Variants in UGGT2 observed in about 807,000 individuals in gnomAD.
UGGT2 encodes UDP-glucose glycoprotein glucosyltransferase 2.
Under a neutral mutation model 192.1 loss-of-function variants are expected in UGGT2, and 180 were observed. The ratio of observed to expected loss-of-function variants is 0.94; its 90% CI spans 0.83 to 1.06. The LOEUF (loss-of-function observed/expected upper bound fraction) is 1.06. Among genes scored for constraint, UGGT2 ranks in the 50% least tolerant of loss-of-function variants. UGGT2 has a pLI of 0.00. For missense variants in UGGT2, 1,849 were observed against 1,795.7 expected (o/e 1.03, Z -0.54); for synonymous variants, 580 against 591.0 (o/e 0.98, Z 0.27).
chr13:95,868,162 A>G (rs1164902246), intron 29 of UGGT2, among the ~76,000 whole-genome samples: 1 of 152,180 alleles, frequency 6.6e-6, no homozygotes, highest in Admixed American at 6.5e-5. Flanking sequence ...CATACTTTTA[A>G]CATTTTTCCA....
At chr13:96,027,573 G>A (rs1213322599) in intron 2 of UGGT2, among the ~76,000 whole-genome samples, 2 of 152,072 alleles carry the variant, frequency 1.3e-5, no homozygotes, top group Non-Finnish European at 2.9e-5. Context: ...AAAAATAAGT[G>A]GCAGCCTCCA....
intron 15 of UGGT2, among the ~76,000 whole-genome samples, chr13:95,942,123 T>C (rs1280589084): frequency 6.2e-5 from 8 of 128,994 alleles, no homozygotes; most frequent in Non-Finnish European, 1.4e-4. Flanking sequence ...CTGATATGTA[T>C]ATTTGTGTCA....
chr13:95,838,548 A>G (rs1371956275), intron 36 of UGGT2, among the ~76,000 whole-genome samples: 4 of 152,180 alleles, frequency 2.6e-5, no homozygotes, highest in Non-Finnish European at 4.4e-5. Flanking sequence ...AAGTCTTACT[A>G]TAAAGTTACA....
At chr13:96,026,239 T>G (rs1446335505) in intron 2 of UGGT2, among the ~76,000 whole-genome samples, 6 of 152,124 alleles carry the variant, frequency 3.9e-5, no homozygotes, top group Non-Finnish European at 7.4e-5. Flanking sequence ...AATTCACACA[T>G]GAACAATTAA....
intron 38 of UGGT2, among the ~76,000 whole-genome samples, chr13:95,817,567 T>A (rs1885035533): frequency 6.6e-6 from 1 of 151,878 alleles, no homozygotes; most frequent in Non-Finnish European, 1.5e-5. Flanking sequence ...GGCAACAGAG[T>A]GGCAGCCTGT....
intron 20 of UGGT2, among the ~76,000 whole-genome samples, chr13:95,919,852 G>T (rs1159490778): frequency 1.3e-5 from 2 of 152,016 alleles, no homozygotes; most frequent in African/African-American, 4.8e-5. Flanking sequence ...TAGAAAAAGT[G>T]ATTTTAAAAT....
At chr13:96,034,929 G>A (rs532074608) in intron 1 of UGGT2, among the ~76,000 whole-genome samples, 9 of 152,350 alleles carry the variant, frequency 5.9e-5, no homozygotes, top group Middle Eastern at 3.4e-3. Context: ...CTGCCAGGCC[G>A]AGTGGACAAA....
chr13:95,836,041 C>CT (rs560776600), intron 37 of UGGT2, among the ~76,000 whole-genome samples: 10 of 151,350 alleles, frequency 6.6e-5, no homozygotes, highest in Admixed American at 1.3e-4. Context: ...GCTCTCAGCC[C>CT]TTTTTTTTTG....
intron 15 of UGGT2, among the ~76,000 whole-genome samples, chr13:95,946,598 T>A (rs565139770): frequency 2.0e-5 from 3 of 152,282 alleles, no homozygotes; most frequent in Non-Finnish European, 4.4e-5. Flanking sequence ...CTCGAGCTGC[T>A]GGTCTCAAGC....
At chr13:96,006,639 A>AG (rs2051988555) in intron 5 of UGGT2, among the ~76,000 whole-genome samples, 1 of 149,714 alleles carries the variant, frequency 6.7e-6, no homozygotes, top group Non-Finnish European at 1.5e-5. Context: ...AAAAAAAAAA[A>AG]AAAAAAAAAG....
chr13:95,923,650 T>C (rs1274703051), intron 20 of UGGT2, among the ~76,000 whole-genome samples: 1 of 152,170 alleles, frequency 6.6e-6, no homozygotes, highest in East Asian at 1.9e-4. Flanking sequence ...ATACCAACAG[T>C]AGCAAAAAAA....
At chr13:95,853,834 GTTTGT>G (rs1253196980) in intron 35 of UGGT2, among the ~76,000 whole-genome samples, 177 bp from the exon 36 acceptor site, 4 of 152,084 alleles carry the variant, frequency 2.6e-5, no homozygotes, top group African/African-American at 7.2e-5. Context: ...AGAGTTTTAA[GTTTGT>G]TTTAATTTTG....
At chr13:96,029,150 C>T (rs1035621445) in intron 2 of UGGT2, among the ~76,000 whole-genome samples, 2 of 151,174 alleles carry the variant, frequency 1.3e-5, no homozygotes, top group African/African-American at 4.9e-5. Context: ...GACACCGTCT[C>T]AAAAAAAAAT....
chr13:95,910,890 C>A (rs573376283), intron 20 of UGGT2, among the ~76,000 whole-genome samples: 1 of 152,320 alleles, frequency 6.6e-6, no homozygotes, highest in East Asian at 1.9e-4. Context: ...CAAACTGTCT[C>A]TCAGATCACA....
intron 38 of UGGT2, among the ~76,000 whole-genome samples, chr13:95,805,580 T>C (rs746623097): frequency 2.0e-5 from 3 of 152,148 alleles, no homozygotes; most frequent in Admixed American, 6.5e-5. Flanking sequence ...ATATATACAA[T>C]GGGATTTTAT....
intron 17 of UGGT2, among the ~76,000 whole-genome samples, chr13:95,930,657 T>C (rs968671976): frequency 1.3e-5 from 2 of 152,224 alleles, no homozygotes; most frequent in African/African-American, 2.4e-5. Context: ...CTGGTTACTG[T>C]AGCCTCATAG....
chr13:96,004,064 G>C (rs1167737041), intron 5 of UGGT2, among the ~76,000 whole-genome samples: 1 of 151,544 alleles, frequency 6.6e-6, no homozygotes, highest in Non-Finnish European at 1.5e-5. Context: ...GCTTTCAGAA[G>C]TTATAAGATA....
At position 95,940,083 on chromosome 13, in the gene UGGT2, T is replaced by C. The variant is rs772049945; in HGVS notation, c.1686A>G (p.Gln562=). 6.7e-7 allele frequency: 1 copy of C among 1,490,578 alleles called. No individual in the cohort carries two copies. The highest frequency in any genetic ancestry group is 2.5e-5 in the East Asian group (1 of 40,202). 92.3% of individuals were successfully genotyped at this position (1,490,578 alleles called of 1,614,324 possible). A position where few individuals can be genotyped will look rare whatever the true frequency, so the allele number is the denominator to read the frequency against. ...EAFISIVHMY[Q]KVKKDQNILT... ...GTATATTTTGATCCTTCTTCACTTT[T>C]TGGTACATCTGTGAAAATTTAGATA... Residue 562 remains glutamine (Q), a synonymous_variant, in exon 16 of 39, where the codon CAA becomes CAG. Coordinates refer to ENST00000376747, the MANE Select transcript of UGGT2 (RefSeq NM_020121.4).
chr13:96,023,721 CT>C lies in UGGT2; in HGVS notation c.279del (p.Ala94LeufsTer5). 6.2e-7 allele frequency: 1 copy of C among 1,608,686 alleles called. No individual in the cohort carries two copies. Among genetic ancestry groups the C allele is most frequent in the Non-Finnish European group, 8.5e-7 (1 of 1,176,338 alleles). On this transcript the variant is annotated frameshift_variant, in exon 3 of 39. Coordinates refer to ENST00000376747, the MANE Select transcript of UGGT2 (RefSeq NM_020121.4). LOFTEE classifies it high-confidence loss of function. ...DYSYYNLILK[K>X]AGQFLDNLHI... ...TGTAAATTGTCTAGAAACTGTCCAG[CT>C]TTCTTCAGGATTAAGTTGTAATAAG...
Sources: allele counts gnomAD v4.1 joint callset (sites outside exome capture counted in the v4.1 genomes callset), GRCh38; gene constraint gnomAD v4.1.1; transcripts MANE v1.5; gene names NCBI Gene and HGNC (gene_info 2026-07-23, HGNC 2026-07-21).